Variants in HDAC9 observed in about 807,000 individuals in gnomAD.
The protein encoded by HDAC9 is MEF-2 interacting transcription repressor (MITR) protein.
Under a neutral mutation model 139.4 loss-of-function variants are expected in HDAC9, and 41 were observed. The observed-to-expected ratio is 0.29, with a 90% CI of 0.23 to 0.38. The LOEUF (loss-of-function observed/expected upper bound fraction) is 0.38, where lower values mean the gene tolerates loss of function less well. Among genes scored for constraint, HDAC9 ranks in the 10% least tolerant of loss-of-function variants. The pLI is 1.00. For synonymous variants in HDAC9, 517 were observed against 476.2 expected (o/e 1.09, Z -1.12); for missense variants, 1,147 against 1,297.0 (o/e 0.88, Z 1.78).
chr7:18,499,671 A>G (rs905377895), intron 2 of HDAC9, among the ~76,000 whole-genome samples: 2 of 152,176 alleles, frequency 1.3e-5, no homozygotes, highest in African/African-American at 2.4e-5. Flanking sequence ...ACAATATTGG[A>G]ACAATTATTA....
At chr7:18,691,572 A>G (rs760743610) in intron 12 of HDAC9, among the ~76,000 whole-genome samples, 14 of 152,038 alleles carry the variant, frequency 9.2e-5, no homozygotes, top group Non-Finnish European at 1.9e-4. Flanking sequence ...AAGAAAACAC[A>G]GACCACCTGT....
Position 18,591,475 on chromosome 7 carries a change from A to ATG in HDAC9, c.416-9_416-8dup, listed in dbSNP as rs36100341. 0.035 allele frequency: 51,677 copies of ATG among 1,469,888 alleles called. 427 individuals are homozygous for ATG. Among genetic ancestry groups the ATG allele is most frequent in the African/African-American group, 0.14 (9,337 of 68,494 alleles). 91.1% of individuals were successfully genotyped at this position (1,469,888 alleles called of 1,614,324 possible). A position where few individuals can be genotyped will look rare whatever the true frequency, so the allele number is the denominator to read the frequency against. ...CATCAACATCTGTTTCTGTGTGTGT[A>ATG]TGTGTGTGTGTGTGTGTGTGTGTGT... On this transcript the variant is annotated intron_variant, in intron 4 of 25. Transcript: ENST00000686413.
At chr7:18,390,366 G>GGTCA (rs1786359920) in intron 1 of HDAC9, among the ~76,000 whole-genome samples, 1 of 152,076 alleles carries the variant, frequency 6.6e-6, no homozygotes, top group Non-Finnish European at 1.5e-5. Flanking sequence ...GATCCCAGTA[G>GGTCA]GTCAGCAAGG....
At chr7:18,159,487 T>C (rs1787466380) in intron 1 of HDAC9, among the ~76,000 whole-genome samples, 1 of 152,220 alleles carries the variant, frequency 6.6e-6, no homozygotes, top group Non-Finnish European at 1.5e-5. Flanking sequence ...AAAGTGGTCT[T>C]AATTTGTATA....
chr7:18,612,623 A>G (rs982368688), intron 6 of HDAC9, among the ~76,000 whole-genome samples: 52 of 151,474 alleles, frequency 3.4e-4, no homozygotes, highest in Admixed American at 3.4e-3. Context: ...AGGAAGAGGA[A>G]TAAAATGTTG....
chr7:18,188,703 A>G (rs557969243), intron 2 of HDAC9, among the ~76,000 whole-genome samples: 5 of 152,366 alleles, frequency 3.3e-5, no homozygotes, highest in African/African-American at 1.2e-4. Flanking sequence ...GACGCTTCTC[A>G]AAAGAAGACG....
At chr7:18,145,830 C>G (rs1053209396) in intron 1 of HDAC9, among the ~76,000 whole-genome samples, 2 of 152,040 alleles carry the variant, frequency 1.3e-5, no homozygotes, top group Non-Finnish European at 2.9e-5. Context: ...AGCAAAGTAG[C>G]CTAGATAGTT....
chr7:18,478,592 G>T (rs1394482803), intron 1 of HDAC9, among the ~76,000 whole-genome samples: 1 of 152,140 alleles, frequency 6.6e-6, no homozygotes, highest in Non-Finnish European at 1.5e-5. Context: ...AAATAGAAAA[G>T]AAAAGAGGAA....
At chr7:18,389,345 A>G (rs976987683) in intron 1 of HDAC9, among the ~76,000 whole-genome samples, 17 of 152,232 alleles carry the variant, frequency 1.1e-4, no homozygotes, top group South Asian at 4.1e-4. Flanking sequence ...TCCTGGAGTT[A>G]TAGGCATTTA....
At chr7:18,761,695 A>G (rs1007505153) in intron 14 of HDAC9, among the ~76,000 whole-genome samples, 1 of 152,232 alleles carries the variant, frequency 6.6e-6, no homozygotes, top group Admixed American at 6.6e-5. Flanking sequence ...ATGGGAAGTC[A>G]TTAGCGTATC....
intron 17 of HDAC9, among the ~76,000 whole-genome samples, chr7:18,816,489 T>C (rs1794569664): frequency 6.6e-6 from 1 of 152,238 alleles, no homozygotes; most frequent in African/African-American, 2.4e-5. Flanking sequence ...TAATTTGAGA[T>C]TGCCAGTTAT....
intron 6 of HDAC9, among the ~76,000 whole-genome samples, chr7:18,615,438 T>G (rs1838307874): frequency 6.6e-6 from 1 of 152,204 alleles, no homozygotes; most frequent in African/African-American, 2.4e-5. Flanking sequence ...ATTTAATGTA[T>G]TCTTAGTATT....
chr7:18,419,570 C>T (rs1178229076), intron 1 of HDAC9, among the ~76,000 whole-genome samples: 1 of 152,072 alleles, frequency 6.6e-6, no homozygotes, highest in African/African-American at 2.4e-5. Flanking sequence ...AGAGGAGAAA[C>T]GACTCTATTC....
At chr7:18,691,723 A>G (rs1262148691) in intron 12 of HDAC9, among the ~76,000 whole-genome samples, 2 of 152,088 alleles carry the variant, frequency 1.3e-5, no homozygotes, top group Non-Finnish European at 2.9e-5. Flanking sequence ...AGAATGGATA[A>G]TGTTCTAAAT....
intron 1 of HDAC9, among the ~76,000 whole-genome samples, chr7:18,328,195 A>G (rs910763550): frequency 7.2e-5 from 11 of 151,954 alleles, no homozygotes; most frequent in Admixed American, 2.6e-4. Flanking sequence ...CAGTAATCTA[A>G]GGGTGATCAC....
chr7:18,689,437 G>A (rs932322623), intron 12 of HDAC9, among the ~76,000 whole-genome samples: 4 of 151,816 alleles, frequency 2.6e-5, no homozygotes, highest in African/African-American at 9.7e-5. Context: ...TAGTCTGAGA[G>A]GAATGATTTA....
At chr7:18,744,779 CTG>C (rs766034800) in intron 13 of HDAC9, among the ~76,000 whole-genome samples, 4 of 151,762 alleles carry the variant, frequency 2.6e-5, no homozygotes, top group African/African-American at 9.7e-5. Flanking sequence ...TTTAATAAGA[CTG>C]AGAGAAAGAG....
intron 2 of HDAC9, among the ~76,000 whole-genome samples, chr7:18,164,941 T>C (rs1001429462): frequency 6.6e-6 from 1 of 152,290 alleles, no homozygotes; most frequent in African/African-American, 2.4e-5. Context: ...TGCCAGCCAG[T>C]GTGTTACCCA....
rs199730695 is a variant in HDAC9 at position 18,542,668 on chromosome 7, AT to A, written c.23-42608del. Among the ~76,000 whole-genome samples, 643 of 152,294 alleles carry A rather than the reference AT, an allele frequency of 4.2e-3. 5 individuals are homozygous for A. The highest frequency in any genetic ancestry group is 0.015 in the African/African-American group (605 of 41,574). ...ATATAAATCTATTAAATTTGGAAAT[AT>A]TTTTAAAAATACTTCATATTAATAA... On this transcript the variant is annotated intron_variant, in intron 2 of 25. Transcript: ENST00000686413.
Sources: allele counts gnomAD v4.1 joint callset (sites outside exome capture counted in the v4.1 genomes callset), GRCh38; gene constraint gnomAD v4.1.1; transcripts MANE v1.5; gene names NCBI Gene and HGNC (gene_info 2026-07-23, HGNC 2026-07-21).